Variants in FRMD3 observed in about 807,000 individuals in gnomAD.
The protein encoded by FRMD3 is FERM domain containing 3.
FRMD3 carries 33 observed loss-of-function variants against 70.2 expected under a neutral mutation model. The observed-to-expected ratio is 0.47, with a 90% CI of 0.36 to 0.63. The LOEUF (loss-of-function observed/expected upper bound fraction) is 0.63. Among genes scored for constraint, FRMD3 ranks in the 20% least tolerant of loss-of-function variants. The probability of loss-of-function intolerance (pLI) is 0.00; values close to 1 mark genes in which losing one functional copy is unlikely to be tolerated. For missense variants in FRMD3, 632 were observed against 711.4 expected, an observed-to-expected ratio of 0.89 and a Z score of 1.27; for synonymous variants, 279 against 255.9, an observed-to-expected ratio of 1.09 and a Z score of -0.86.
At chr9:83,362,333 C>T (rs2131226389) in intron 3 of FRMD3, among the ~76,000 whole-genome samples, 1 of 152,328 alleles carries the variant, frequency 6.6e-6, no homozygotes, top group South Asian at 2.1e-4. Flanking sequence ...AGTACCAAGA[C>T]TATCACCATC....
At chr9:83,265,819 A>G (rs1833230765) in intron 13 of FRMD3, among the ~76,000 whole-genome samples, 2 of 152,192 alleles carry the variant, frequency 1.3e-5, no homozygotes, top group East Asian at 1.9e-4. Flanking sequence ...TAATTTGCCC[A>G]TTTCCATTAA....
chr9:83,547,306 G>T, the FRMD3 span, among the ~76,000 whole-genome samples: 1 of 147,320 alleles, frequency 6.8e-6, no homozygotes, highest in Non-Finnish European at 1.5e-5. Context: ...AACCAAAAAA[G>T]GTCATTATGA....
chr9:83,499,452 G>A (rs1179901606), intron 1 of FRMD3, among the ~76,000 whole-genome samples: 1 of 152,172 alleles, frequency 6.6e-6, no homozygotes, highest in Admixed American at 6.5e-5. Flanking sequence ...TTTCTGAAAC[G>A]TGTGGGACCC....
At chr9:83,474,334 C>T (rs1325960513) in intron 1 of FRMD3, among the ~76,000 whole-genome samples, 1 of 152,168 alleles carries the variant, frequency 6.6e-6, no homozygotes, top group African/African-American at 2.4e-5. Context: ...ATTTATTTAA[C>T]CCTGTTCCCT....
At chr9:83,471,155 C>G (rs1264307770) in intron 1 of FRMD3, among the ~76,000 whole-genome samples, 1 of 152,142 alleles carries the variant, frequency 6.6e-6, no homozygotes, top group Non-Finnish European at 1.5e-5. Flanking sequence ...AACACGTACT[C>G]CCTCAAGATG....
chr9:83,343,084 G>A (rs1240499622), intron 5 of FRMD3, 106 bp downstream of exon 5: 2 of 805,292 alleles, frequency 2.5e-6, no homozygotes, highest in Non-Finnish European at 4.4e-6. Flanking sequence ...ATGGTCTCCA[G>A]CCACAGACAC....
chr9:83,273,753 G>A (rs2118837541), intron 13 of FRMD3, among the ~76,000 whole-genome samples: 1 of 151,928 alleles, frequency 6.6e-6, no homozygotes, highest in South Asian at 2.1e-4. Flanking sequence ...TGCTCCAATA[G>A]GATAACATTT....
At chr9:83,447,828 A>G (rs114599207) in intron 1 of FRMD3, among the ~76,000 whole-genome samples, 2,168 of 152,360 alleles carry the variant, frequency 0.014, 60 homozygotes, top group African/African-American at 0.05. Flanking sequence ...AGTCACCTCA[A>G]ATAAAATATT....
Position 83,343,310 on chromosome 9 carries a change from G to C in FRMD3, c.375-23C>G, listed in dbSNP as rs141849192. On this transcript the variant is annotated intron_variant, in intron 4 of 13. Transcript: ENST00000304195. ...TATCTGCAATACAAAAGGAGAAATG[G>C]TCACTCTAACTTTTGGCTGAAGTCT... 40 of 1,522,924 alleles carry C rather than the reference G, an allele frequency of 2.6e-5. No individual in the cohort carries two copies. In the South Asian group the frequency reaches 4.5e-4, roughly 17 times the overall value. The allele number at this position is 1,522,924 out of a possible 1,614,324, so 94.3% of individuals were successfully genotyped here.
At chr9:83,290,748 G>C in intron 12 of FRMD3, 21 bp from the exon 13 acceptor site, 1 of 1,588,994 alleles carries the variant, frequency 6.3e-7, no homozygotes, top group South Asian at 1.1e-5. Flanking sequence ...ACACAAGCCA[G>C]ACAGAGTTGG....
At chr9:83,478,403 C>T (rs181269241) in intron 1 of FRMD3, among the ~76,000 whole-genome samples, 4 of 152,116 alleles carry the variant, frequency 2.6e-5, no homozygotes, top group Non-Finnish European at 5.9e-5. Flanking sequence ...TAAAATGATG[C>T]TCGACATCAC....
At chr9:83,354,866 G>A (rs1824285271) in intron 3 of FRMD3, among the ~76,000 whole-genome samples, 1 of 151,990 alleles carries the variant, frequency 6.6e-6, no homozygotes, top group Non-Finnish European at 1.5e-5. Context: ...TGAAGTACGT[G>A]CAATTCTTTT....
At chr9:83,316,832 G>A (rs1050157778) in intron 6 of FRMD3, among the ~76,000 whole-genome samples, 1 of 152,048 alleles carries the variant, frequency 6.6e-6, no homozygotes, top group Non-Finnish European at 1.5e-5. Flanking sequence ...TAATCCATAT[G>A]GTATTTCTCT....
chr9:83,338,823 A>T (rs1157480841), intron 5 of FRMD3, among the ~76,000 whole-genome samples: 2 of 152,234 alleles, frequency 1.3e-5, no homozygotes. Flanking sequence ...GGGACCAATG[A>T]TGAGAGGTGG....
chr9:83,534,874 G>A (rs188345568), intron 1 of FRMD3, among the ~76,000 whole-genome samples: 163 of 152,268 alleles, frequency 1.1e-3, no homozygotes, highest in African/African-American at 3.6e-3. Flanking sequence ...AAATAGGGTC[G>A]CTTTGTCCAT....
intron 1 of FRMD3, among the ~76,000 whole-genome samples, chr9:83,535,618 AT>A (rs36112441): frequency 0.43 from 63,318 of 148,380 alleles, 13,678 homozygotes; most frequent in South Asian, 0.55. Context: ...ACTTTTTGTG[AT>A]TTTTTTTTTT....
intron 1 of FRMD3, among the ~76,000 whole-genome samples, chr9:83,519,377 A>T (rs1201297306): frequency 1.3e-5 from 2 of 152,234 alleles, no homozygotes; most frequent in Admixed American, 1.3e-4. Flanking sequence ...TGCGGCCGCC[A>T]AACACATGAA....
At chr9:83,328,488 T>C (rs914003428) in intron 6 of FRMD3, among the ~76,000 whole-genome samples, 1 of 152,260 alleles carries the variant, frequency 6.6e-6, no homozygotes, top group African/African-American at 2.4e-5. Flanking sequence ...CCCTTAAGCA[T>C]AGAAATTGGC....
chr9:83,469,852 G>C (rs910956886), intron 1 of FRMD3, among the ~76,000 whole-genome samples: 1 of 152,188 alleles, frequency 6.6e-6, no homozygotes, highest in Non-Finnish European at 1.5e-5. Flanking sequence ...AAACTAAGAT[G>C]GGGGGCGGGG....
Sources: gnomAD v4.1 joint callset for allele counts (sites outside exome capture counted in the v4.1 genomes callset) on GRCh38, gnomAD v4.1.1 for gene constraint, MANE v1.5 for transcripts, NCBI Gene and HGNC (gene_info 2026-07-23, HGNC 2026-07-21) for gene names.